Variants in TAF15 observed in about 807,000 individuals in gnomAD.
TAF15 encodes the protein TATA-box binding protein associated factor 15.
A neutral mutation model predicts 102.5 loss-of-function variants in TAF15; 37 were observed. The observed-to-expected ratio is 0.36, with a 90% CI of 0.28 to 0.47. The LOEUF is 0.47. Ranked by LOEUF, TAF15 falls within the 20% of genes least tolerant of loss-of-function variation. The pLI, the probability that TAF15 is intolerant of heterozygous loss-of-function variation, is 0.99. For missense variants in TAF15, 652 were observed against 760.7 expected, an observed-to-expected ratio of 0.86 and a Z score of 1.68; for synonymous variants, 273 against 259.2, an observed-to-expected ratio of 1.05 and a Z score of -0.51.
At chr17:35,840,844 A>G (rs1037263074) in intron 11 of TAF15, among the ~76,000 whole-genome samples, 1 of 151,708 alleles carries the variant, frequency 6.6e-6, no homozygotes, top group African/African-American at 2.4e-5. Flanking sequence ...AGCCTGGGTG[A>G]CGCACAGCAA....
intron 10 of TAF15, 81 bp downstream of exon 10, chr17:35,836,322 A>T: frequency 1.0e-6 from 1 of 995,618 alleles, no homozygotes; most frequent in Non-Finnish European, 1.6e-6. Flanking sequence ...AAGCCTACAT[A>T]CTTCAGTACG....
At chr17:35,834,892 C>T (rs1355083064) in intron 9 of TAF15, among the ~76,000 whole-genome samples, 3 of 151,810 alleles carry the variant, frequency 2.0e-5, no homozygotes, top group African/African-American at 2.4e-5. Context: ...ACTACAGGTG[C>T]GCGCCACCAT....
chr17:35,845,989 G>C (rs918938056), intron 15 of TAF15, among the ~76,000 whole-genome samples: 2 of 152,146 alleles, frequency 1.3e-5, no homozygotes, highest in African/African-American at 2.4e-5. Context: ...TTGTTTTTCT[G>C]GAGATACTGA....
intron 7 of TAF15, among the ~76,000 whole-genome samples, chr17:35,825,325 A>T (rs2087312065): frequency 6.6e-6 from 1 of 152,242 alleles, no homozygotes; most frequent in African/African-American, 2.4e-5. Context: ...CCAAAGTAAA[A>T]CAAATAAATT....
intron 1 of TAF15, 101 bp from the exon 2 acceptor site, chr17:35,817,615 C>A (rs2087210339): frequency 9.8e-7 from 1 of 1,017,270 alleles, no homozygotes; most frequent in Non-Finnish European, 1.5e-6. Context: ...TTCTGCAGTT[C>A]TTTACATTTT....
intron 1 of TAF15, chr17:35,809,793 C>T (rs1316286251): frequency 3.1e-6 from 2 of 643,184 alleles, no homozygotes; most frequent in Non-Finnish European, 5.4e-6. Context: ...CCTCGGGCCT[C>T]TTGTCTTTTG....
chr17:35,812,690 C>G (rs1358612719), intron 1 of TAF15, among the ~76,000 whole-genome samples: 2 of 150,874 alleles, frequency 1.3e-5, no homozygotes, highest in Non-Finnish European at 1.5e-5. Context: ...AAGATATGTT[C>G]ATAGTAAATT....
chr17:35,811,783 C>A (rs1357946033), intron 1 of TAF15, among the ~76,000 whole-genome samples: 2 of 152,186 alleles, frequency 1.3e-5, no homozygotes, highest in African/African-American at 4.8e-5. Flanking sequence ...TTAGCTAACA[C>A]CTTAACGAAT....
chr17:35,821,316 A>G (rs1334601740), intron 5 of TAF15, among the ~76,000 whole-genome samples: 3 of 152,218 alleles, frequency 2.0e-5, no homozygotes, highest in Non-Finnish European at 4.4e-5. Flanking sequence ...GGCATACTAC[A>G]TTAAGAGAAA....
At chr17:35,817,838 C>A in intron 2 of TAF15, 83 bp downstream of exon 2, 1 of 1,199,182 alleles carries the variant, frequency 8.3e-7, no homozygotes, top group Non-Finnish European at 1.2e-6. Flanking sequence ...AGACTTGATG[C>A]TGGATGTCAT....
intron 1 of TAF15, among the ~76,000 whole-genome samples, chr17:35,814,876 A>C (rs145852706): frequency 1.3e-5 from 2 of 151,588 alleles, no homozygotes; most frequent in Non-Finnish European, 2.9e-5. Context: ...GTGTGTGTAT[A>C]TATATATGTA....
At chr17:35,820,489 GAT>G (rs1320469105) in intron 5 of TAF15, 52 bp downstream of exon 5, 1 of 1,516,674 alleles carries the variant, frequency 6.6e-7, no homozygotes, top group Admixed American at 1.7e-5. Context: ...AAATAACACT[GAT>G]ATTAAACAGA....
At chr17:35,840,038 G>A (rs1010816760) in intron 11 of TAF15, among the ~76,000 whole-genome samples, 8 of 152,048 alleles carry the variant, frequency 5.3e-5, no homozygotes, top group Admixed American at 2.6e-4. Context: ...TGTTACTCCC[G>A]TTTTACAGAG....
At position 35,844,894 on chromosome 17, in the gene TAF15, G is replaced by A. The variant is rs755983345; in HGVS notation, c.1595G>A (p.Gly532Glu). 1 of 1,613,086 alleles carries A rather than the reference G, an allele frequency of 6.2e-7. No homozygotes were observed. Among genetic ancestry groups the A allele is most frequent in the East Asian group, 2.2e-5 (1 of 44,794 alleles). ...YGGDRSRGGYGGDRGGGSGYG... is the reference protein window; with the variant it reads ...YGGDRSRGGYEGDRGGGSGYG... ...GGAGACAGAAGCCGGGGGGGCTATG[G>A]AGGAGACCGTGGTGGTGGCAGTGGC... The change falls in exon 15 of 16, where the codon GGA (glycine) becomes GAA (glutamate). Residue 532 changes from glycine to glutamate, a missense_variant. By Grantham distance (98) the Gly-to-Glu change is moderately conservative. This residue lies in a region of TAF15 where 368 missense variants were observed against 367.5 expected (regional missense o/e 1.00). Transcript: ENST00000605844.
At chr17:35,832,617 TTTAGA>T (rs1315999350) in intron 7 of TAF15, among the ~76,000 whole-genome samples, 3 of 151,898 alleles carry the variant, frequency 2.0e-5, no homozygotes. Context: ...ACTTCAGTAT[TTTAGA>T]TTAGATTCTT....
At chr17:35,842,943 C>G (rs906829630) in intron 12 of TAF15, among the ~76,000 whole-genome samples, 10 of 151,716 alleles carry the variant, frequency 6.6e-5, no homozygotes, top group African/African-American at 2.2e-4. Flanking sequence ...GTTGGCCAGG[C>G]TGGTCTCAAA....
At chr17:35,834,625 T>A in intron 9 of TAF15, 27 bp downstream of exon 9, 3 of 1,611,786 alleles carry the variant, frequency 1.9e-6, no homozygotes, top group East Asian at 2.2e-5. Context: ...TTTGTCACTT[T>A]GCCATTAAGA....
Position 35,838,597 on chromosome 17 carries a change from G to GT in TAF15, c.913+48dup, listed in dbSNP as rs4251773. On this transcript the variant is annotated intron_variant, in intron 11 of 15. Coordinates refer to ENST00000605844, the MANE Select transcript of TAF15 (RefSeq NM_139215.3). ...GTTTTCAGCATGAAGTTGGATAAATGTTTTCTAGTCTGAAAGTGAGAATAT... is the reference window on the plus strand; with the variant it reads ...GTTTTCAGCATGAAGTTGGATAAATGTTTTTCTAGTCTGAAAGTGAGAATAT... 186,498 of 1,613,428 alleles carry GT rather than the reference G, an allele frequency of 0.12. 12,044 individuals are homozygous for GT. The highest frequency in any genetic ancestry group is 0.21 in the East Asian group (9,418 of 44,850).
intron 7 of TAF15, among the ~76,000 whole-genome samples, chr17:35,829,054 T>C (rs889947386): frequency 3.4e-5 from 5 of 145,784 alleles, no homozygotes; most frequent in South Asian, 2.1e-4. Flanking sequence ...ACAGCTGTTA[T>C]GGAGAATAGT....
Sources: gnomAD v4.1 joint callset for allele counts (sites outside exome capture counted in the v4.1 genomes callset) on GRCh38, gnomAD v4.1.1 for gene constraint, gnomAD v4.1.1 regional missense constraint, MANE v1.5 for transcripts, NCBI Gene and HGNC (gene_info 2026-07-23, HGNC 2026-07-21) for gene names.